The following RBFOX3 variants were observed in gnomAD, a reference collection of about 807,000 sequenced individuals.
RBFOX3 encodes the protein RNA binding fox-1 homolog 3.
RBFOX3 carries 17 observed loss-of-function variants against 48.7 expected under a neutral mutation model. The observed-to-expected ratio is 0.35, with a 90% CI of 0.24 to 0.52. The LOEUF is 0.52. Ranked by LOEUF, RBFOX3 falls within the 20% of genes least tolerant of loss-of-function variation. The pLI, the probability that RBFOX3 is intolerant of heterozygous loss-of-function variation, is 0.94. For missense variants in RBFOX3, 382 were observed against 497.5 expected (o/e 0.77, Z 2.21); for synonymous variants, 212 against 209.5 (o/e 1.01, Z -0.10).
chr17:79,232,350 A>T (rs1247673136), intron 4 of RBFOX3, among the ~76,000 whole-genome samples: 3 of 152,222 alleles, frequency 2.0e-5, no homozygotes, highest in Non-Finnish European at 4.4e-5. Flanking sequence ...AGGACAAAGA[A>T]CAGGAAGATT....
intron 1 of RBFOX3, among the ~76,000 whole-genome samples, chr17:79,605,411 C>T (rs1052362332): frequency 2.0e-5 from 3 of 152,170 alleles, no homozygotes; most frequent in Non-Finnish European, 4.4e-5. Flanking sequence ...TAGACATACC[C>T]GGCCACCTTC....
chr17:79,162,867 A>C (rs540383140), intron 4 of RBFOX3, among the ~76,000 whole-genome samples: 9 of 152,270 alleles, frequency 5.9e-5, no homozygotes, highest in African/African-American at 1.7e-4. Flanking sequence ...CTGGAATGGA[A>C]AAAGCCAGTG....
Position 79,115,745 on chromosome 17 carries a change from C to T in RBFOX3, c.-30G>A, listed in dbSNP as rs771570135. 8.4e-6 allele frequency: 6 copies of T among 712,744 alleles called. No individual in the cohort carries two copies. The highest frequency in any genetic ancestry group is 3.0e-5 in the East Asian group (1 of 33,826). 44.2% of individuals were successfully genotyped at this position (712,744 alleles called of 1,614,324 possible). ...TCAGGCGGAGCCGTGGCGTCCTGAT[C>T]GCTCTGTGGAAGGAGAGAGAGCAAG... On this transcript the variant is annotated 5_prime_UTR_variant, in exon 5 of 15. Transcript: ENST00000693108.
At chr17:79,571,368 G>A (rs1346648331) in intron 1 of RBFOX3, among the ~76,000 whole-genome samples, 1 of 152,140 alleles carries the variant, frequency 6.6e-6, no homozygotes, top group Non-Finnish European at 1.5e-5. Context: ...AGCCTGGCTA[G>A]GACAGGCTAC....
chr17:79,344,970 C>A (rs1458605156), intron 2 of RBFOX3, among the ~76,000 whole-genome samples: 1 of 152,250 alleles, frequency 6.6e-6, no homozygotes, highest in Non-Finnish European at 1.5e-5. Flanking sequence ...GATGAAGTCA[C>A]TTGCCTGTCC....
intron 5 of RBFOX3, among the ~76,000 whole-genome samples, chr17:79,109,813 G>A (rs2030122559): frequency 1.3e-5 from 2 of 152,162 alleles, no homozygotes; most frequent in Non-Finnish European, 2.9e-5. Flanking sequence ...ACAGGCGCTG[G>A]GGCATCCACC....
chr17:79,661,164 G>C, the RBFOX3 span, among the ~76,000 whole-genome samples: 1 of 152,174 alleles, frequency 6.6e-6, no homozygotes, highest in South Asian at 2.1e-4. Flanking sequence ...AATAGCTAAT[G>C]GATTCTGGGC....
chr17:79,104,267 G>A lies in RBFOX3; in HGVS notation c.361-141C>T, dbSNP rs552683518. 6 of 781,944 alleles carry A rather than the reference G, an allele frequency of 7.7e-6. No homozygotes were observed. In the East Asian group the frequency reaches 1.3e-4, roughly 18 times the overall value. 48.4% of individuals were successfully genotyped at this position (781,944 alleles called of 1,614,324 possible). A position where few individuals can be genotyped will look rare whatever the true frequency, so the allele number is the denominator to read the frequency against. ...CCCCAGCTTGGGAAAGGAGACCGGGGACCCCCTCCCACCCCTGGCCATGGA... is the reference window on the plus strand; with the variant it reads ...CCCCAGCTTGGGAAAGGAGACCGGGAACCCCCTCCCACCCCTGGCCATGGA... On this transcript the variant is annotated intron_variant, in intron 6 of 14. Transcript: ENST00000693108.
In RBFOX3 at chr17:79,242,781, A is replaced by G. The variant is rs2062577889; in HGVS notation, c.-73-6976T>C. Among the ~76,000 whole-genome samples the G allele has an allele frequency of 6.6e-6, 1 of 152,150 alleles. No homozygotes were observed. Among genetic ancestry groups the G allele is most frequent in the Non-Finnish European group, 1.5e-5 (1 of 68,008 alleles). On this transcript the variant is annotated intron_variant, in intron 3 of 14. Coordinates refer to ENST00000693108, the MANE Select transcript of RBFOX3 (RefSeq NM_001350451.2). This position sits in a 1 kb window ranked among gnomAD's most constrained non-coding sequence, Gnocchi z 5.8. ...CCTTACTGGGCCTCCACAGGGCAGCAGGGCAGGGCTTAGGGGTTATACGCC... is the reference window on the plus strand; with the variant it reads ...CCTTACTGGGCCTCCACAGGGCAGCGGGGCAGGGCTTAGGGGTTATACGCC...
intron 3 of RBFOX3, among the ~76,000 whole-genome samples, chr17:79,285,613 A>G (rs117115393): frequency 0.037 from 5,627 of 152,298 alleles, 145 homozygotes; most frequent in Non-Finnish European, 0.05. Context: ...CCGAAGATCC[A>G]CTGACAGTGC....
rs570244131 is a variant in RBFOX3, at chr17:79,103,763, C to T, written c.414+310G>A. On this transcript the variant is annotated intron_variant, in intron 7 of 14. Transcript: ENST00000693108. This position sits in a 1 kb window ranked among gnomAD's most constrained non-coding sequence, Gnocchi z 6.1. The stretch of plus-strand genomic sequence containing the variant: ...CCCTCTCTGTAGCCCCTCCCTCAAG[C>T]TTCAAGGCCAGTGGTCCCCTGGGGT... Among the ~76,000 whole-genome samples the T allele has an allele frequency of 6.6e-6, 1 of 152,270 alleles. No individual in the cohort carries two copies. Among genetic ancestry groups the T allele is most frequent in the African/African-American group, 2.4e-5 (1 of 41,552 alleles).
the RBFOX3 span, among the ~76,000 whole-genome samples, chr17:79,634,616 G>C: frequency 6.6e-6 from 1 of 152,108 alleles, no homozygotes; most frequent in Admixed American, 6.6e-5. Flanking sequence ...AGGCACAGAG[G>C]GTCCTCAGGG....
At chr17:79,577,627 C>T (rs1431303525) in intron 1 of RBFOX3, among the ~76,000 whole-genome samples, 3 of 152,196 alleles carry the variant, frequency 2.0e-5, no homozygotes, top group Non-Finnish European at 4.4e-5. Context: ...AGGTGATGGG[C>T]GCACACTTTG....
At chr17:79,591,793 C>T (rs2093423432) in intron 1 of RBFOX3, among the ~76,000 whole-genome samples, 2 of 151,472 alleles carry the variant, frequency 1.3e-5, no homozygotes, top group South Asian at 4.2e-4. Flanking sequence ...GCTATGTGTG[C>T]ACGTATGGAG....
In RBFOX3 at chr17:79,496,014, G is replaced by A. The variant is rs1205820706; in HGVS notation, c.-319-13416C>T. On this transcript the variant is annotated intron_variant, in intron 1 of 14. Transcript: ENST00000693108. ...AATAAGATTAGGATGTTGAACGGCCGACATGTTCTCCGAGACTGGCTGTAT... is the reference window on the plus strand; with the variant it reads ...AATAAGATTAGGATGTTGAACGGCCAACATGTTCTCCGAGACTGGCTGTAT... Among the ~76,000 whole-genome samples, 6 of 152,114 alleles carry A rather than the reference G, an allele frequency of 3.9e-5. No homozygotes were observed. In the East Asian group the frequency reaches 9.7e-4, roughly 24 times the overall value.
chr17:79,463,658 GCCA>G (rs1446410539), intron 2 of RBFOX3, among the ~76,000 whole-genome samples: 2 of 124,734 alleles, frequency 1.6e-5, no homozygotes, highest in South Asian at 2.9e-4. Flanking sequence ...CACCACCATC[GCCA>G]CCGCCACCTC....
intron 2 of RBFOX3, among the ~76,000 whole-genome samples, chr17:79,356,925 G>T (rs1038073785): frequency 1.4e-4 from 21 of 152,152 alleles, no homozygotes; most frequent in African/African-American, 5.1e-4. Context: ...GTCGGGCTGA[G>T]CCTCCCAGTG....
chr17:79,321,227 T>C (rs890253091), intron 2 of RBFOX3, among the ~76,000 whole-genome samples: 5 of 152,240 alleles, frequency 3.3e-5, no homozygotes, highest in Admixed American at 1.3e-4. Context: ...ATGGGCTCAT[T>C]TCCCTTCTAC....
At chr17:79,295,096 T>C (rs1339750602) in intron 3 of RBFOX3, among the ~76,000 whole-genome samples, 1 of 152,094 alleles carries the variant, frequency 6.6e-6, no homozygotes, top group Admixed American at 6.6e-5. Flanking sequence ...AGAGACTCCA[T>C]GTGAGAGAAG....
Sources: gnomAD v4.1 joint callset for allele counts (sites outside exome capture counted in the v4.1 genomes callset) on GRCh38, gnomAD v4.1.1 for gene constraint, Gnocchi (gnomAD v3.1) non-coding constraint, MANE v1.5 for transcripts, NCBI Gene and HGNC (gene_info 2026-07-23, HGNC 2026-07-21) for gene names.